PLA2G10: variants seen among roughly 807,000 people sequenced by gnomAD.
The protein encoded by PLA2G10 is group 10 secretory phospholipase A2.
PLA2G10 carries 9 observed loss-of-function variants against 7.9 expected under a neutral mutation model. That is an observed-to-expected ratio of 1.14 (90% CI 0.68 to 1.98). The LOEUF is 1.98. Ranked by LOEUF, PLA2G10 falls within the 30% of genes most tolerant of loss-of-function variation. The pLI, the probability that PLA2G10 is intolerant of heterozygous loss-of-function variation, is 0.00. For synonymous variants in PLA2G10, 19 were observed against 27.5 expected, an observed-to-expected ratio of 0.69 and a Z score of 0.97; for missense variants, 53 against 65.4, an observed-to-expected ratio of 0.81 and a Z score of 0.66.
At chr16:14,687,038 G>T (rs1488287729) in intron 3 of PLA2G10, among the ~76,000 whole-genome samples, 3 of 151,786 alleles carry the variant, frequency 2.0e-5, no homozygotes, top group African/African-American at 7.3e-5. Context: ...AACCCAAGAG[G>T]TGGAGGTTGC....
At chr16:14,676,232 ACTATT>A (rs1470849244) in intron 3 of PLA2G10, among the ~76,000 whole-genome samples, 1 of 152,228 alleles carries the variant, frequency 6.6e-6, no homozygotes, top group African/African-American at 2.4e-5. Context: ...AAGTAAATCT[ACTATT>A]CTTTCTAGCC....
At chr16:14,678,323 C>G (rs1960782898) in intron 3 of PLA2G10, among the ~76,000 whole-genome samples, 1 of 152,140 alleles carries the variant, frequency 6.6e-6, no homozygotes, top group Admixed American at 6.6e-5. Context: ...CAGATTTGTC[C>G]AGAAGCCAGC....
At chr16:14,680,969 C>T (rs765040498) in intron 3 of PLA2G10, among the ~76,000 whole-genome samples, 1 of 151,902 alleles carries the variant, frequency 6.6e-6, no homozygotes, top group Non-Finnish European at 1.5e-5. Flanking sequence ...CAAGACCAGC[C>T]TGGCCAACAT....
intron 3 of PLA2G10, among the ~76,000 whole-genome samples, chr16:14,683,660 C>G (rs1471509126): frequency 1.3e-5 from 2 of 152,062 alleles, no homozygotes; most frequent in Non-Finnish European, 2.9e-5. Context: ...ACTCCGTAGA[C>G]AAAAATTAAC....
rs551069613 is a variant in PLA2G10, at chr16:14,679,388, C to A, written c.356-6639G>T. On this transcript the variant is annotated intron_variant, in intron 3 of 3. Transcript: ENST00000438167. ...ATCTCTACAAAAAATACAGGCCGGG[C>A]GTGGTGCTCGTGCCTGTAATCTCGG... is the stretch of plus-strand genomic sequence containing the variant. 3.3e-5 allele frequency among the ~76,000 whole-genome samples: 5 copies of A among 151,994 alleles called. No homozygotes were observed. In the South Asian group the frequency reaches 6.2e-4, roughly 19 times the overall value.
chr16:14,680,461 G>A (rs888677286), intron 3 of PLA2G10, among the ~76,000 whole-genome samples: 1 of 152,082 alleles, frequency 6.6e-6, no homozygotes, highest in African/African-American at 2.4e-5. Flanking sequence ...CATGATCACG[G>A]CTCACTGCAG....
At chr16:14,677,783 G>A (rs1255930778) in intron 3 of PLA2G10, among the ~76,000 whole-genome samples, 1 of 151,614 alleles carries the variant, frequency 6.6e-6, no homozygotes, top group African/African-American at 2.4e-5. Context: ...TGGATGGTGG[G>A]TGGATGGATG....
intron 3 of PLA2G10, among the ~76,000 whole-genome samples, chr16:14,681,202 G>A (rs1334622632): frequency 6.6e-6 from 1 of 150,856 alleles, no homozygotes; most frequent in Non-Finnish European, 1.5e-5. Flanking sequence ...AAGGGGGAGG[G>A]GGGAGAGAGA....
At chr16:14,677,828 T>G (rs1960765027) in intron 3 of PLA2G10, among the ~76,000 whole-genome samples, 6 of 140,238 alleles carry the variant, frequency 4.3e-5, no homozygotes, top group African/African-American at 8.2e-5. Context: ...TGGATGGAAA[T>G]TGGATGGATG....
At chr16:14,678,311 G>T (rs1351455787) in intron 3 of PLA2G10, among the ~76,000 whole-genome samples, 1 of 152,078 alleles carries the variant, frequency 6.6e-6, no homozygotes, top group Non-Finnish European at 1.5e-5. Flanking sequence ...GTTCCATCCA[G>T]CCAGATTTGT....
At chr16:14,701,690 C>T in the PLA2G10 span, 8 of 13,234 alleles carry the variant, frequency 6.0e-4, no homozygotes, top group Non-Finnish European at 1.3e-3. Context: ...AGTTTGAGAC[C>T]AGCCTGGGCA....
At chr16:14,677,216 GAA>G (rs1468651497) in intron 3 of PLA2G10, among the ~76,000 whole-genome samples, 2 of 152,184 alleles carry the variant, frequency 1.3e-5, no homozygotes, top group Non-Finnish European at 2.9e-5. Flanking sequence ...ATGAATGGTT[GAA>G]TGAATGGTGG....
rs141863460 is a variant in PLA2G10 at position 14,678,008 on chromosome 16, C to A, written c.356-5259G>T. On this transcript the variant is annotated intron_variant, in intron 3 of 3. Coordinates refer to ENST00000438167, the MANE Select transcript of PLA2G10 (RefSeq NM_003561.3). ...GATGAATGGATAAACATAATATGTG[C>A]GAAAATTAGTCATAGAACCAGCCAG... Among the ~76,000 whole-genome samples the A allele has an allele frequency of 2.4e-3, 370 of 152,164 alleles. 2 individuals are homozygous for A. Among genetic ancestry groups the A allele is most frequent in the African/African-American group, 8.1e-3 (338 of 41,500 alleles).
intron 3 of PLA2G10, among the ~76,000 whole-genome samples, chr16:14,676,199 A>G (rs1442959858): frequency 6.6e-6 from 1 of 152,242 alleles, no homozygotes; most frequent in East Asian, 1.9e-4. Context: ...GGAAAACAGT[A>G]TGGAGATTTC....
At chr16:14,674,220 C>T (rs553476510) in intron 3 of PLA2G10, among the ~76,000 whole-genome samples, 123 of 151,912 alleles carry the variant, frequency 8.1e-4, no homozygotes, top group African/African-American at 2.7e-3. Flanking sequence ...AAAACACTGC[C>T]GAAAGAAATC....
rs147554543 is a variant in PLA2G10 at position 14,685,989 on chromosome 16, CTT to C, written c.355+2174_355+2175del. Among the ~76,000 whole-genome samples, 948 of 106,740 alleles carry C rather than the reference CTT, an allele frequency of 8.9e-3. 8 individuals carry two copies. The highest frequency in any genetic ancestry group is 0.029 in the African/African-American group (856 of 29,396). 70.0% of individuals were successfully genotyped at this position (106,740 alleles called of 152,430 possible). On this transcript the variant is annotated intron_variant, in intron 3 of 3. Transcript: ENST00000438167. ...CGCCCAGCCTCTTTTTTTCTTTACT[CTT>C]TTTTTTTTTTTTTTTTTTTGAGACA...
chr16:14,687,134 A>C (rs1961099902), intron 3 of PLA2G10, among the ~76,000 whole-genome samples: 2 of 151,254 alleles, frequency 1.3e-5, no homozygotes, highest in African/African-American at 4.9e-5. Context: ...AAAATCAAAA[A>C]ACAAACAAAC....
chr16:14,675,715 C>T (rs1487877217), intron 3 of PLA2G10, among the ~76,000 whole-genome samples: 3 of 151,406 alleles, frequency 2.0e-5, no homozygotes, highest in African/African-American at 7.3e-5. Context: ...CCAAGGTGGG[C>T]AGATCATGAG....
intron 3 of PLA2G10, among the ~76,000 whole-genome samples, chr16:14,682,879 G>C (rs1960930646): frequency 6.6e-6 from 1 of 152,132 alleles, no homozygotes; most frequent in Non-Finnish European, 1.5e-5. Flanking sequence ...GACCAGCCAG[G>C]CCAACATGGT....
Sources: gnomAD v4.1 joint callset for allele counts (sites outside exome capture counted in the v4.1 genomes callset) on GRCh38, gnomAD v4.1.1 for gene constraint, MANE v1.5 for transcripts, NCBI Gene and HGNC (gene_info 2026-07-23, HGNC 2026-07-21) for gene names.